The following IL23R variants were observed in gnomAD, a reference collection of about 807,000 sequenced individuals.
The protein encoded by IL23R is interleukin-23 receptor.
Under a neutral mutation model 56.9 loss-of-function variants are expected in IL23R, and 34 were observed. The ratio of observed to expected loss-of-function variants is 0.60; its 90% CI spans 0.45 to 0.80. IL23R has a LOEUF of 0.80. Among genes scored for constraint, IL23R ranks in the 30% least tolerant of loss-of-function variants. IL23R has a pLI of 0.00. For synonymous variants in IL23R, 230 were observed against 249.2 expected (o/e 0.92, Z 0.73); for missense variants, 635 against 730.0 (o/e 0.87, Z 1.50).
chr1:67,145,498 C>T (rs1372429566), intron 1 of IL23R, among the ~76,000 whole-genome samples: 1 of 152,178 alleles, frequency 6.6e-6, no homozygotes, highest in East Asian at 1.9e-4. Flanking sequence ...CCTGTGCCCT[C>T]TTCCCACCTC....
At chr1:67,253,047 G>T (rs926681873) in intron 9 of IL23R, among the ~76,000 whole-genome samples, 2 of 152,058 alleles carry the variant, frequency 1.3e-5, no homozygotes, top group Non-Finnish European at 2.9e-5. Flanking sequence ...TCATCCACAG[G>T]GATTCAAATA....
intron 7 of IL23R, among the ~76,000 whole-genome samples, chr1:67,232,108 T>C (rs372018948): frequency 1.2e-4 from 18 of 152,294 alleles, no homozygotes; most frequent in African/African-American, 3.8e-4. Context: ...CAAAAGACTG[T>C]TAACATTTTT....
intron 3 of IL23R, among the ~76,000 whole-genome samples, chr1:67,172,432 A>C (rs778970139): frequency 2.6e-5 from 4 of 152,180 alleles, no homozygotes; most frequent in Non-Finnish European, 4.4e-5. Context: ...TAATTTGTGA[A>C]ATATAAACCA....
intron 6 of IL23R, chr1:67,207,509 A>G: frequency 6.5e-6 from 2 of 306,708 alleles, no homozygotes; most frequent in Non-Finnish European, 1.3e-5. Flanking sequence ...ACCCAGGGGG[A>G]GGTAATTGAA....
chr1:67,249,413 G>A (rs1276706016), intron 9 of IL23R, among the ~76,000 whole-genome samples: 2 of 151,860 alleles, frequency 1.3e-5, no homozygotes, highest in South Asian at 2.1e-4. Flanking sequence ...AATTGCATTA[G>A]CATTAAGTAA....
At chr1:67,166,693 ATTACT>A (rs1278628017) in intron 1 of IL23R, among the ~76,000 whole-genome samples, 152 bp downstream of exon 1, 10 of 152,304 alleles carry the variant, frequency 6.6e-5, no homozygotes, top group South Asian at 4.2e-4. Flanking sequence ...ATGGCATCAC[ATTACT>A]TTAAATAATA....
At chr1:67,199,571 T>G (rs1352004326) in intron 4 of IL23R, among the ~76,000 whole-genome samples, 1 of 152,214 alleles carries the variant, frequency 6.6e-6, no homozygotes, top group African/African-American at 2.4e-5. Flanking sequence ...TGAAAATGTT[T>G]AATTTTACTT....
At chr1:67,200,950 C>T in intron 5 of IL23R, 53 bp downstream of exon 5, 1 of 1,567,826 alleles carries the variant, frequency 6.4e-7, no homozygotes, top group Non-Finnish European at 8.8e-7. Flanking sequence ...TTGTGCTGAC[C>T]TTGTCAAATG....
intron 9 of IL23R, among the ~76,000 whole-genome samples, chr1:67,248,346 G>C (rs1418775829): frequency 3.9e-5 from 6 of 152,096 alleles, no homozygotes; most frequent in Admixed American, 6.6e-5. Flanking sequence ...TTGTCTTCTT[G>C]CTTTATTTCA....
intron 1 of IL23R, among the ~76,000 whole-genome samples, chr1:67,157,877 T>A (rs1646782596): frequency 6.6e-6 from 1 of 152,242 alleles, no homozygotes; most frequent in South Asian, 2.1e-4. Flanking sequence ...TACCCCTTTA[T>A]CCTCAGTGCT....
chr1:67,250,597 T>A (rs1652544617), intron 9 of IL23R, among the ~76,000 whole-genome samples: 1 of 152,224 alleles, frequency 6.6e-6, no homozygotes, highest in South Asian at 2.1e-4. Flanking sequence ...TTACCAATAA[T>A]CGTTAAAGCC....
chr1:67,252,581 A>C (rs1322559515), intron 9 of IL23R, among the ~76,000 whole-genome samples: 1 of 152,190 alleles, frequency 6.6e-6, no homozygotes, highest in East Asian at 1.9e-4. Context: ...ATCAAAGGAC[A>C]CAAGTAGGTC....
At chr1:67,153,989 C>T (rs1231784196) in intron 1 of IL23R, among the ~76,000 whole-genome samples, 1 of 152,126 alleles carries the variant, frequency 6.6e-6, no homozygotes, top group Non-Finnish European at 1.5e-5. Flanking sequence ...AGAATGGTCT[C>T]GATCTCCTGA....
At chr1:67,197,094 C>T (rs1013829075) in intron 4 of IL23R, among the ~76,000 whole-genome samples, 7 of 152,146 alleles carry the variant, frequency 4.6e-5, no homozygotes, top group African/African-American at 1.7e-4. Flanking sequence ...CCAGGGCTGA[C>T]CTTCAATGTG....
At chr1:67,211,306 A>T (rs1189567026) in intron 6 of IL23R, among the ~76,000 whole-genome samples, 1 of 152,244 alleles carries the variant, frequency 6.6e-6, no homozygotes, top group African/African-American at 2.4e-5. Flanking sequence ...TATCACAGTC[A>T]TAGAATGATA....
chr1:67,202,006 C>A (rs1648675481), intron 5 of IL23R, among the ~76,000 whole-genome samples: 1 of 152,072 alleles, frequency 6.6e-6, no homozygotes, highest in African/African-American at 2.4e-5. Context: ...TTGATTGTTT[C>A]CTTAAGATAA....
At chr1:67,203,726 G>A (rs186005893) in intron 5 of IL23R, among the ~76,000 whole-genome samples, 6 of 152,324 alleles carry the variant, frequency 3.9e-5, no homozygotes, top group African/African-American at 1.4e-4. Context: ...CTATGCCACT[G>A]AGAACAGAAG....
At chr1:67,169,138 C>CAAAAAAA (rs5774855) in intron 2 of IL23R, among the ~76,000 whole-genome samples, 3 of 81,298 alleles carry the variant, frequency 3.7e-5, no homozygotes, top group Admixed American at 1.5e-4. Context: ...GAGACTGTCT[C>CAAAAAAA]AAAAAAAAAA....
intron 3 of IL23R, among the ~76,000 whole-genome samples, chr1:67,182,071 C>T (rs570921500): frequency 1.3e-5 from 2 of 152,348 alleles, no homozygotes; most frequent in African/African-American, 2.4e-5. Flanking sequence ...TTAGGCTACT[C>T]AGAGGTCAGG....
Sources: gnomAD v4.1 joint callset for allele counts (sites outside exome capture counted in the v4.1 genomes callset) on GRCh38, gnomAD v4.1.1 for gene constraint, MANE v1.5 for transcripts, NCBI Gene and HGNC (gene_info 2026-07-23, HGNC 2026-07-21) for gene names.